Variants in ATP8B1 observed in about 807,000 individuals in gnomAD.
ATP8B1 encodes the protein ATPase phospholipid transporting 8B1, also known as phospholipid-transporting ATPase IC.
A neutral mutation model predicts 149.9 loss-of-function variants in ATP8B1; 80 were observed. The observed-to-expected ratio is 0.53, with a 90% CI of 0.45 to 0.64. The LOEUF is 0.64. ATP8B1 is among the 30% of genes least tolerant of loss of function. The pLI is 0.00. For synonymous variants in ATP8B1, 536 were observed against 562.8 expected, an observed-to-expected ratio of 0.95 and a Z score of 0.67; for missense variants, 1,247 against 1,552.6, an observed-to-expected ratio of 0.80 and a Z score of 3.31.
intron 1 of ATP8B1, among the ~76,000 whole-genome samples, chr18:57,732,668 T>G (rs933162187): frequency 2.6e-5 from 4 of 152,058 alleles, no homozygotes; most frequent in Admixed American, 2.6e-4. Flanking sequence ...GTTCAAGTGA[T>G]TCTCCTGCCT....
chr18:57,678,109 A>G (rs1911709961), intron 15 of ATP8B1, among the ~76,000 whole-genome samples: 1 of 152,208 alleles, frequency 6.6e-6, no homozygotes, highest in Non-Finnish European at 1.5e-5. Flanking sequence ...AAAGGAACAA[A>G]ATCATGTCCT....
At chr18:57,676,791 G>A (rs1057168474) in intron 15 of ATP8B1, among the ~76,000 whole-genome samples, 4 of 149,864 alleles carry the variant, frequency 2.7e-5, no homozygotes, top group African/African-American at 4.9e-5. Context: ...ATCACTATCC[G>A]ATATCTTAAT....
chr18:57,699,146 C>T (rs1912983831), intron 6 of ATP8B1, among the ~76,000 whole-genome samples: 2 of 152,194 alleles, frequency 1.3e-5, no homozygotes, highest in Admixed American at 1.3e-4. Flanking sequence ...ACTAAGGCCT[C>T]ATTCCAAGAC....
intron 17 of ATP8B1, 149 bp downstream of exon 17, chr18:57,671,319 G>A (rs1911206512): frequency 1.4e-6 from 1 of 715,836 alleles, no homozygotes; most frequent in Non-Finnish European, 2.5e-6. Context: ...CCAGGTGGCT[G>A]TATTCCTACT....
At chr18:57,769,635 C>T (rs1828288) in intron 1 of ATP8B1, among the ~76,000 whole-genome samples, 21,351 of 152,166 alleles carry the variant, frequency 0.14, 1,921 homozygotes, top group Middle Eastern at 0.23. Flanking sequence ...TAAATGCCAT[C>T]GGACTATCTC....
At chr18:57,702,712 C>T (rs981212158) in intron 4 of ATP8B1, among the ~76,000 whole-genome samples, 2 of 152,084 alleles carry the variant, frequency 1.3e-5, no homozygotes, top group African/African-American at 4.8e-5. Context: ...ACAAAATTAG[C>T]CAGGTGTGGT....
At chr18:57,741,247 T>A (rs1241592959) in intron 1 of ATP8B1, among the ~76,000 whole-genome samples, 1 of 152,154 alleles carries the variant, frequency 6.6e-6, no homozygotes, top group Non-Finnish European at 1.5e-5. Flanking sequence ...GAACCTTGCT[T>A]CTAACCAATA....
chr18:57,780,178 G>A (rs1225926363), intron 1 of ATP8B1, among the ~76,000 whole-genome samples: 1 of 152,176 alleles, frequency 6.6e-6, no homozygotes, highest in Admixed American at 6.5e-5. Flanking sequence ...AAAATCTGAA[G>A]TTGGAAAAAG....
In ATP8B1 at chr18:57,787,667, A is replaced by G. The variant is rs368806578; in HGVS notation, c.-26+15331T>C. Among the ~76,000 whole-genome samples the G allele has an allele frequency of 7.2e-5, 11 of 152,302 alleles. No individual in the cohort carries two copies. The East Asian group carries it at 1.5e-3, about 21-fold the overall frequency. On this transcript the variant is annotated intron_variant, in intron 1 of 27. Transcript: ENST00000648908. ...GGCTTTTAGAGCCCATTGGTTACTGATATTTACTGATTTTCAGTTTTTAAA... is the reference window on the plus strand; with the variant it reads ...GGCTTTTAGAGCCCATTGGTTACTGGTATTTACTGATTTTCAGTTTTTAAA...
chr18:57,714,763 A>G (rs1466717023), intron 2 of ATP8B1, among the ~76,000 whole-genome samples: 1 of 152,212 alleles, frequency 6.6e-6, no homozygotes, highest in Admixed American at 6.5e-5. Context: ...TAATGCAGAT[A>G]TGGGTTCAAT....
chr18:57,778,687 T>C lies in ATP8B1; in HGVS notation c.-26+24311A>G, dbSNP rs575177924. 4.6e-5 allele frequency among the ~76,000 whole-genome samples: 7 copies of C among 152,310 alleles called. No homozygotes were observed. The East Asian group carries it at 9.7e-4, about 21-fold the overall frequency. On this transcript the variant is annotated intron_variant, in intron 1 of 27. Transcript: ENST00000648908. ...TCACAGGGCTGTTGGCAGGATTCCATCCTCTTGGGCTGTTGGCCAGAGGCC... is the reference window on the plus strand; with the variant it reads ...TCACAGGGCTGTTGGCAGGATTCCACCCTCTTGGGCTGTTGGCCAGAGGCC...
At position 57,655,343 on chromosome 18, in the gene ATP8B1, G is replaced by A. The variant is rs765836791; in HGVS notation, c.2782C>T (p.Gln928Ter). 6.2e-7 allele frequency: 1 copy of A among 1,614,236 alleles called. No homozygotes were observed. Among genetic ancestry groups the A allele is most frequent in the Non-Finnish European group, 8.5e-7 (1 of 1,180,052 alleles). The change falls in exon 23 of 28, where the codon CAG becomes TAG. Residue 928 changes from glutamine (Q) to a stop codon, truncating the protein, a stop_gained. Coordinates refer to ENST00000648908, the MANE Select transcript of ATP8B1 (RefSeq NM_001374385.1). LOFTEE classifies it high-confidence loss of function. ...AGTAGCCTCTGCAGATATCGGAACT[G>A]AGCAAAGGAATAGTCACTCGACATG... ...AVMSSDYSFA[Q>*]FRYLQRLLLV...
At chr18:57,712,810 CA>C (rs1176276663) in intron 2 of ATP8B1, among the ~76,000 whole-genome samples, 1 of 151,790 alleles carries the variant, frequency 6.6e-6, no homozygotes, top group East Asian at 1.9e-4. Context: ...AGCTCAGCCA[CA>C]GTAGGATAGG....
intron 1 of ATP8B1, among the ~76,000 whole-genome samples, chr18:57,799,016 A>G (rs1369738334): frequency 6.6e-6 from 1 of 152,258 alleles, no homozygotes; most frequent in Admixed American, 6.5e-5. Context: ...TAGCAACAAC[A>G]CAACAATGTA....
At chr18:57,687,654 T>C (rs921874720) in intron 13 of ATP8B1, among the ~76,000 whole-genome samples, 1 of 152,208 alleles carries the variant, frequency 6.6e-6, no homozygotes, top group African/African-American at 2.4e-5. Context: ...CTTTTGGCTA[T>C]TGTGAATAAT....
intron 1 of ATP8B1, among the ~76,000 whole-genome samples, chr18:57,771,634 G>T (rs769635456): frequency 9.9e-5 from 15 of 152,122 alleles, no homozygotes; most frequent in Non-Finnish European, 1.6e-4. Context: ...GCCACATACA[G>T]CAGCAGGAGT....
At chr18:57,758,226 G>T (rs1205957933) in intron 1 of ATP8B1, among the ~76,000 whole-genome samples, 2 of 152,144 alleles carry the variant, frequency 1.3e-5, no homozygotes, top group African/African-American at 4.8e-5. Flanking sequence ...CCAAAACTAT[G>T]CAAAAGGGTG....
chr18:57,790,343 A>G (rs2080452061), intron 1 of ATP8B1, among the ~76,000 whole-genome samples: 1 of 150,632 alleles, frequency 6.6e-6, no homozygotes, highest in African/African-American at 2.4e-5. Context: ...CATTCCCCAT[A>G]TCGCAGTCTC....
chr18:57,789,658 G>C (rs1188806051), intron 1 of ATP8B1, among the ~76,000 whole-genome samples: 1 of 152,108 alleles, frequency 6.6e-6, no homozygotes, highest in African/African-American at 2.4e-5. Flanking sequence ...ATCTGAGAAC[G>C]TTTTGAGCCA....
Sources: allele counts gnomAD v4.1 joint callset (sites outside exome capture counted in the v4.1 genomes callset), GRCh38; gene constraint gnomAD v4.1.1; transcripts MANE v1.5; gene names NCBI Gene and HGNC (gene_info 2026-07-23, HGNC 2026-07-21).